Variants in ZMAT4 observed in about 807,000 individuals in gnomAD.
ZMAT4 encodes the protein zinc finger matrin-type 4.
A neutral mutation model predicts 28.7 loss-of-function variants in ZMAT4; 17 were observed. The observed-to-expected ratio is 0.59, with a 90% CI of 0.41 to 0.89. The LOEUF (loss-of-function observed/expected upper bound fraction) is 0.89, where lower values mean the gene tolerates loss of function less well. ZMAT4 is among the 40% of genes least tolerant of loss of function. The pLI, the probability that ZMAT4 is intolerant of heterozygous loss-of-function variation, is 0.00. For missense variants in ZMAT4, 240 were observed against 283.8 expected (o/e 0.85, Z 1.11); for synonymous variants, 117 against 109.2 (o/e 1.07, Z -0.44).
At chr8:40,871,240 G>A (rs1307893735) in intron 1 of ZMAT4, among the ~76,000 whole-genome samples, 4 of 152,144 alleles carry the variant, frequency 2.6e-5, no homozygotes, top group South Asian at 2.1e-4. Context: ...AGCAAATAAA[G>A]AGGCCCAAGA....
Position 40,669,869 on chromosome 8 carries a change from C to T in ZMAT4, c.577+4835G>A, listed in dbSNP as rs149503312. Among the ~76,000 whole-genome samples the T allele has an allele frequency of 5.5e-3, 833 of 152,198 alleles. 6 individuals carry two copies. Among genetic ancestry groups the T allele is most frequent in the African/African-American group, 0.019 (791 of 41,506 alleles). ...TAACAAATGATGTGCAAAACCTTTA[C>T]ACTGAAAACTACAAAACATTGCCTA... On this transcript the variant is annotated intron_variant, in intron 5 of 6. Transcript: ENST00000297737.
chr8:40,616,935 C>G (rs1563368780), intron 5 of ZMAT4, among the ~76,000 whole-genome samples: 2 of 146,954 alleles, frequency 1.4e-5, no homozygotes, highest in African/African-American at 5.0e-5. Flanking sequence ...TTTTACAAAA[C>G]TTGGTTTTAG....
chr8:40,581,141 G>A (rs542648810), intron 6 of ZMAT4, 24 bp downstream of exon 6: 5 of 1,591,114 alleles, frequency 3.1e-6, no homozygotes, highest in Non-Finnish European at 4.3e-6. Flanking sequence ...AGAAACTGAA[G>A]AGTGAAAGCA....
intron 3 of ZMAT4, among the ~76,000 whole-genome samples, chr8:40,744,982 A>G (rs906606236): frequency 6.6e-6 from 1 of 152,196 alleles, no homozygotes; most frequent in South Asian, 2.1e-4. Context: ...CACAATTTCT[A>G]GGCTGAATAG....
chr8:40,758,131 G>T (rs1288974868), intron 3 of ZMAT4, among the ~76,000 whole-genome samples: 1 of 152,120 alleles, frequency 6.6e-6, no homozygotes, highest in Non-Finnish European at 1.5e-5. Flanking sequence ...CCTATTGTTG[G>T]ATCTCACCTT....
chr8:40,589,813 CTTTTT>C (rs138443120), intron 5 of ZMAT4, among the ~76,000 whole-genome samples: 2 of 143,130 alleles, frequency 1.4e-5, no homozygotes, highest in Non-Finnish European at 3.0e-5. Flanking sequence ...TCTTTCCTTT[CTTTTT>C]TATTTCCTTC....
intron 6 of ZMAT4, among the ~76,000 whole-genome samples, chr8:40,568,374 G>A (rs1045393401): frequency 1.3e-5 from 2 of 152,104 alleles, no homozygotes; most frequent in Admixed American, 6.6e-5. Context: ...AATGAGAATC[G>A]TCTTTCGAGA....
intron 5 of ZMAT4, among the ~76,000 whole-genome samples, chr8:40,585,373 C>T (rs1337802901): frequency 1.3e-5 from 2 of 152,068 alleles, no homozygotes; most frequent in African/African-American, 4.8e-5. Flanking sequence ...AGTGTGGATG[C>T]ATCCTCCAGT....
intron 2 of ZMAT4, among the ~76,000 whole-genome samples, chr8:40,793,949 G>A (rs1814472290): frequency 6.6e-6 from 1 of 152,140 alleles, no homozygotes; most frequent in African/African-American, 2.4e-5. Flanking sequence ...TCCCTTCTGT[G>A]GAAAACAAAG....
chr8:40,536,744 A>C (rs540393643), intron 6 of ZMAT4, among the ~76,000 whole-genome samples: 1 of 152,214 alleles, frequency 6.6e-6, no homozygotes, highest in East Asian at 1.9e-4. Context: ...CTGACACAAC[A>C]AAATGTATTT....
intron 1 of ZMAT4, among the ~76,000 whole-genome samples, chr8:40,862,977 A>T (rs905436542): frequency 2.1e-4 from 32 of 152,238 alleles, no homozygotes; most frequent in South Asian, 1.7e-3. Context: ...AATTTAAAAA[A>T]AAAAGAAAGA....
chr8:40,733,135 T>C (rs1182868110), intron 3 of ZMAT4, among the ~76,000 whole-genome samples: 1 of 152,094 alleles, frequency 6.6e-6, no homozygotes, highest in Non-Finnish European at 1.5e-5. Flanking sequence ...CATGTTTGGC[T>C]GACCTCCATA....
intron 3 of ZMAT4, among the ~76,000 whole-genome samples, chr8:40,732,834 C>CTTTTTTTTTTT (rs11461186): frequency 6.0e-5 from 4 of 67,078 alleles, no homozygotes; most frequent in African/African-American, 1.7e-4. Context: ...GCAAGACCTC[C>CTTTTTTTTTTT]TTTTTTTTTT....
intron 1 of ZMAT4, among the ~76,000 whole-genome samples, chr8:40,864,245 G>A (rs564855573): frequency 9.8e-5 from 15 of 152,338 alleles, no homozygotes; most frequent in Admixed American, 3.9e-4. Context: ...AAATGACCTC[G>A]CCTGGGATTC....
chr8:40,780,143 C>T (rs1365557664), intron 2 of ZMAT4, among the ~76,000 whole-genome samples: 1 of 152,160 alleles, frequency 6.6e-6, no homozygotes, highest in Non-Finnish European at 1.5e-5. Context: ...TGGGATTTCT[C>T]CCCATAAGCC....
chr8:40,879,642 T>C (rs1313054912), intron 1 of ZMAT4, among the ~76,000 whole-genome samples: 1 of 152,176 alleles, frequency 6.6e-6, no homozygotes, highest in African/African-American at 2.4e-5. Context: ...ATTTTTATTA[T>C]TTGTGTTATA....
intron 5 of ZMAT4, among the ~76,000 whole-genome samples, chr8:40,618,566 C>T (rs1197275962): frequency 2.6e-5 from 4 of 151,702 alleles, no homozygotes; most frequent in African/African-American, 9.7e-5. Flanking sequence ...CTTTTGATAC[C>T]TTTAAATCCA....
intron 5 of ZMAT4, among the ~76,000 whole-genome samples, chr8:40,598,154 T>A (rs1270914350): frequency 6.6e-6 from 1 of 152,240 alleles, no homozygotes; most frequent in East Asian, 1.9e-4. Flanking sequence ...ATATGCTTTC[T>A]TTGAACATGA....
chr8:40,705,389 A>C (rs1054233246), intron 3 of ZMAT4, among the ~76,000 whole-genome samples: 4 of 152,164 alleles, frequency 2.6e-5, no homozygotes, highest in Admixed American at 6.5e-5. Context: ...AGATCACAGC[A>C]CTTATTTCAC....
Sources: allele counts gnomAD v4.1 joint callset (sites outside exome capture counted in the v4.1 genomes callset), GRCh38; gene constraint gnomAD v4.1.1; transcripts MANE v1.5; gene names NCBI Gene and HGNC (gene_info 2026-07-23, HGNC 2026-07-21).